Variants in PMP22 observed in about 807,000 individuals in gnomAD.
The protein encoded by PMP22 is Charcot-Marie-Tooth neuropathy 1A (greatly reduced nerve conduction velocity, hereditary motor sensory neuropathy Ia).
PMP22 carries 2 observed loss-of-function variants against 18.9 expected under a neutral mutation model. The ratio of observed to expected loss-of-function variants is 0.11; its 90% CI spans 0.04 to 0.33. The LOEUF (loss-of-function observed/expected upper bound fraction) is 0.33. Ranked by LOEUF, PMP22 falls within the 10% of genes least tolerant of loss-of-function variation. PMP22 has a pLI of 1.00. For synonymous variants in PMP22, 95 were observed against 89.2 expected (o/e 1.07, Z -0.37); for missense variants, 169 against 202.2 (o/e 0.84, Z 1.00).
chr17:15,231,058 C>A lies in PMP22; in HGVS notation c.342G>T (p.Ala114=), dbSNP rs201871607. ...CCGGGTGCCTCACCGTGTAGATGGC[C>A]GCAGCACTCATCACGCACAGACCTG... ...ILAGLCVMSA[A]AIYTVRHPEW... is the part of the protein sequence containing the mutation. The change falls in exon 5 of 5, where the codon GCG becomes GCT. Residue 114 remains alanine, a synonymous_variant. Transcript: ENST00000312280. 6.2e-7 allele frequency: 1 copy of A among 1,613,644 alleles called. No homozygotes were observed. The highest frequency in any genetic ancestry group is 8.5e-7 in the Non-Finnish European group (1 of 1,179,938).
At chr17:15,257,910 G>A (rs2150705732) in intron 3 of PMP22, among the ~76,000 whole-genome samples, 1 of 152,260 alleles carries the variant, frequency 6.6e-6, no homozygotes, top group East Asian at 1.9e-4. Flanking sequence ...TATTTGTACT[G>A]TGGTTCAAGG....
intron 1 of PMP22, among the ~76,000 whole-genome samples, 175 bp downstream of exon 1, chr17:15,264,979 A>G (rs573083286): frequency 1.3e-5 from 2 of 152,060 alleles, no homozygotes; most frequent in Non-Finnish European, 1.5e-5. Flanking sequence ...GTATATATCC[A>G]CCTTTTAACC....
intron 3 of PMP22, among the ~76,000 whole-genome samples, chr17:15,248,078 C>A (rs1031481449): frequency 6.6e-6 from 1 of 152,192 alleles, no homozygotes; most frequent in African/African-American, 2.4e-5. Context: ...TGGCCTTTGC[C>A]CATATGCTTC....
chr17:15,240,648 G>T (rs1200736925), intron 3 of PMP22, among the ~76,000 whole-genome samples: 1 of 152,082 alleles, frequency 6.6e-6, no homozygotes, highest in African/African-American at 2.4e-5. Flanking sequence ...AACAACCTGA[G>T]TTCCACACTG....
At position 15,260,748 on chromosome 17, in the gene PMP22, A is replaced by G; in HGVS notation, c.-21T>C. The G allele has an allele frequency of 6.5e-7, 1 of 1,549,090 alleles. No individual in the cohort carries two copies. The highest frequency in any genetic ancestry group is 8.7e-7 in the Non-Finnish European group (1 of 1,144,666). The stretch of plus-strand genomic sequence containing the variant: ...AGCATTCTGGCGGCAAGTTCTGCTC[A>G]GCGGAGTTTCTGCCTGCGAGGAGAG... On this transcript the variant is annotated 5_prime_UTR_variant, in exon 2 of 5. Coordinates refer to ENST00000312280, the MANE Select transcript of PMP22 (RefSeq NM_000304.4).
chr17:15,247,949 C>G (rs577323148), intron 3 of PMP22, among the ~76,000 whole-genome samples: 2 of 152,342 alleles, frequency 1.3e-5, no homozygotes, highest in South Asian at 4.1e-4. Flanking sequence ...GACCAGGACT[C>G]CCACGCCCAA....
intron 2 of PMP22, chr17:15,260,447 G>C: frequency 1.6e-6 from 1 of 636,094 alleles, no homozygotes; most frequent in South Asian, 1.7e-5. Context: ...ACCCAGCCCA[G>C]CGCTCGCTTG....
intron 3 of PMP22, among the ~76,000 whole-genome samples, chr17:15,245,688 T>C (rs1907737564): frequency 6.6e-6 from 1 of 152,048 alleles, no homozygotes; most frequent in Non-Finnish European, 1.5e-5. Flanking sequence ...AGCATTTCCA[T>C]CTGGGTCACA....
intron 3 of PMP22, among the ~76,000 whole-genome samples, chr17:15,257,561 T>G (rs917775875): frequency 7.2e-5 from 11 of 152,084 alleles, no homozygotes; most frequent in Admixed American, 7.2e-4. Flanking sequence ...CCATCCGGAG[T>G]GCTCCGGGAA....
At chr17:15,256,635 C>T (rs960296894) in intron 3 of PMP22, among the ~76,000 whole-genome samples, 50 of 152,302 alleles carry the variant, frequency 3.3e-4, no homozygotes, top group African/African-American at 1.2e-3. Context: ...ACATATTCTT[C>T]ACAAATCGAT....
chr17:15,249,330 C>A (rs559545139), intron 3 of PMP22, among the ~76,000 whole-genome samples: 1 of 152,296 alleles, frequency 6.6e-6, no homozygotes, highest in East Asian at 1.9e-4. Context: ...AATGCCTGCT[C>A]TGCTTTTAGG....
At position 15,258,495 on chromosome 17, in the gene PMP22, T is replaced by A. The variant is rs1909025572; in HGVS notation, c.178+599A>T. On this transcript the variant is annotated intron_variant, in intron 3 of 4. Coordinates refer to ENST00000312280, the MANE Select transcript of PMP22 (RefSeq NM_000304.4). This position sits in a 1 kb window ranked among gnomAD's most constrained non-coding sequence, Gnocchi z 4.1. ...TGCTGAGGACAGAGGAGAAATACGATCTTCTGGATTAAGGACCCCAAGGCT... is the reference window on the plus strand; with the variant it reads ...TGCTGAGGACAGAGGAGAAATACGAACTTCTGGATTAAGGACCCCAAGGCT... Among the ~76,000 whole-genome samples the A allele has an allele frequency of 6.6e-6, 1 of 152,030 alleles. No individual in the cohort carries two copies. Among genetic ancestry groups the A allele is most frequent in the Non-Finnish European group, 1.5e-5 (1 of 68,016 alleles).
intron 3 of PMP22, among the ~76,000 whole-genome samples, chr17:15,245,177 G>A (rs1019035190): frequency 6.6e-6 from 1 of 152,156 alleles, no homozygotes; most frequent in Non-Finnish European, 1.5e-5. Context: ...AAGAGCTCTC[G>A]TTGTTGCTCA....
chr17:15,241,762 G>A (rs570505842), intron 3 of PMP22, among the ~76,000 whole-genome samples: 57 of 152,146 alleles, frequency 3.7e-4, no homozygotes, highest in African/African-American at 1.2e-3. Flanking sequence ...GTTATTTCTC[G>A]AATCAAATCA....
At chr17:15,264,782 C>T (rs373304170) in intron 1 of PMP22, among the ~76,000 whole-genome samples, 5 of 152,172 alleles carry the variant, frequency 3.3e-5, no homozygotes, top group Non-Finnish European at 5.9e-5. Context: ...ACCCAGAGCC[C>T]GGCTGGCCAA....
chr17:15,253,581 G>A (rs1267701750), intron 3 of PMP22, among the ~76,000 whole-genome samples: 1 of 152,006 alleles, frequency 6.6e-6, no homozygotes, highest in African/African-American at 2.4e-5. Flanking sequence ...GATTAGAAAT[G>A]CATCCATGTG....
In PMP22 at chr17:15,260,734, G is replaced by A. The variant is rs1909254217; in HGVS notation, c.-7C>T. The A allele has an allele frequency of 1.3e-6, 2 of 1,551,750 alleles. No homozygotes were observed. The highest frequency in any genetic ancestry group is 8.7e-7 in the Non-Finnish European group (1 of 1,146,820). On this transcript the variant is annotated 5_prime_UTR_variant, in exon 2 of 5. Coordinates refer to ENST00000312280, the MANE Select transcript of PMP22 (RefSeq NM_000304.4). ...TCAGCAACAGGAGGAGCATTCTGGC[G>A]GCAAGTTCTGCTCAGCGGAGTTTCT...
intron 3 of PMP22, among the ~76,000 whole-genome samples, chr17:15,257,965 C>T (rs1468696381): frequency 1.3e-5 from 2 of 152,150 alleles, no homozygotes; most frequent in Non-Finnish European, 2.9e-5. Context: ...TTGGGTATTA[C>T]TGGGTACTGA....
intron 1 of PMP22, among the ~76,000 whole-genome samples, chr17:15,263,038 C>T (rs1441381813): frequency 6.6e-6 from 1 of 152,214 alleles, no homozygotes; most frequent in Non-Finnish European, 1.5e-5. Flanking sequence ...AGCCCCTGCC[C>T]TGTCCTGGCG....
Sources: gnomAD v4.1 joint callset for allele counts (sites outside exome capture counted in the v4.1 genomes callset) on GRCh38, gnomAD v4.1.1 for gene constraint, Gnocchi (gnomAD v3.1) non-coding constraint, MANE v1.5 for transcripts, NCBI Gene and HGNC (gene_info 2026-07-23, HGNC 2026-07-21) for gene names.